Variants in BBS9 observed in about 807,000 individuals in gnomAD.
BBS9 encodes Bardet-Biedl syndrome 9.
BBS9 carries 89 observed loss-of-function variants against 117.7 expected under a neutral mutation model. The ratio of observed to expected loss-of-function variants is 0.76; its 90% CI spans 0.64 to 0.90. The LOEUF (loss-of-function observed/expected upper bound fraction) is 0.90, where lower values mean the gene tolerates loss of function less well. BBS9 is among the 40% of genes least tolerant of loss of function. BBS9 has a pLI of 0.00. For missense variants in BBS9, 982 were observed against 1,042.2 expected (o/e 0.94, Z 0.80); for synonymous variants, 379 against 370.9 (o/e 1.02, Z -0.25).
chr7:33,334,836 C>T (rs754646983), intron 9 of BBS9, among the ~76,000 whole-genome samples: 3 of 152,168 alleles, frequency 2.0e-5, no homozygotes, highest in Admixed American at 6.5e-5. Context: ...AAGTCTCCTG[C>T]GTCCTAGTCT....
chr7:33,380,098 C>T (rs1421488421), intron 17 of BBS9: 1 of 156,166 alleles, frequency 6.4e-6, no homozygotes, highest in East Asian at 1.8e-4. Flanking sequence ...GATGACTAGC[C>T]TGTTTGAGGA....
chr7:33,549,027 T>C (rs1853906847), intron 21 of BBS9, among the ~76,000 whole-genome samples: 1 of 150,462 alleles, frequency 6.6e-6, no homozygotes, highest in Admixed American at 6.6e-5. Flanking sequence ...CTTCAAACTA[T>C]ACTACAAGGC....
chr7:33,256,901 T>C (rs372512493), intron 5 of BBS9, among the ~76,000 whole-genome samples: 6 of 152,202 alleles, frequency 3.9e-5, no homozygotes, highest in African/African-American at 4.8e-5. Context: ...TTTCTATGTA[T>C]CAGTTTTCTA....
intron 19 of BBS9, among the ~76,000 whole-genome samples, chr7:33,443,671 T>C (rs183261490): frequency 1.3e-5 from 2 of 152,340 alleles, no homozygotes; most frequent in African/African-American, 4.8e-5. Context: ...GATCTTCTAT[T>C]GTACCTGTAA....
chr7:33,194,326 C>T (rs946351779), intron 5 of BBS9, among the ~76,000 whole-genome samples: 1 of 152,086 alleles, frequency 6.6e-6, no homozygotes, highest in Non-Finnish European at 1.5e-5. Context: ...GGAGTTTGGT[C>T]TTAGCAGCTT....
intron 5 of BBS9, among the ~76,000 whole-genome samples, chr7:33,196,701 T>C (rs1423386879): frequency 2.6e-5 from 4 of 152,168 alleles, no homozygotes; most frequent in African/African-American, 4.8e-5. Flanking sequence ...TTGGAGAACT[T>C]CCCTCATTTG....
intron 20 of BBS9, among the ~76,000 whole-genome samples, chr7:33,513,962 G>A (rs1234145473): frequency 6.6e-6 from 1 of 152,070 alleles, no homozygotes; most frequent in African/African-American, 2.4e-5. Context: ...TCTTGTACTT[G>A]GCATCAGTCA....
At chr7:33,307,397 C>G (rs1689550211) in intron 9 of BBS9, among the ~76,000 whole-genome samples, 1 of 151,942 alleles carries the variant, frequency 6.6e-6, no homozygotes, top group Non-Finnish European at 1.5e-5. Flanking sequence ...CATAAACCAT[C>G]TAGAATTTCA....
At chr7:33,567,995 C>T (rs547996284) in intron 21 of BBS9, among the ~76,000 whole-genome samples, 132 of 152,322 alleles carry the variant, frequency 8.7e-4, no homozygotes, top group African/African-American at 3.1e-3. Context: ...TTCTCCCTTC[C>T]TGTAGTCTTT....
chr7:33,625,142 G>T (rs1000900932), intron 21 of BBS9, among the ~76,000 whole-genome samples: 6 of 152,020 alleles, frequency 3.9e-5, no homozygotes, highest in Non-Finnish European at 1.5e-5. Flanking sequence ...TTTTTTGTTT[G>T]ATTACCACCT....
chr7:33,555,032 A>G (rs995764681), intron 21 of BBS9, among the ~76,000 whole-genome samples: 2 of 152,216 alleles, frequency 1.3e-5, no homozygotes, highest in African/African-American at 4.8e-5. Context: ...AGATTCGTAT[A>G]AATTTGTAAC....
chr7:33,603,088 G>C (rs1864046016), intron 21 of BBS9, among the ~76,000 whole-genome samples: 1 of 152,156 alleles, frequency 6.6e-6, no homozygotes, highest in Admixed American at 6.5e-5. Context: ...GCACATGGCA[G>C]CTGTCTTAAC....
chr7:33,205,566 G>C (rs1786746311), intron 5 of BBS9, among the ~76,000 whole-genome samples: 1 of 152,138 alleles, frequency 6.6e-6, no homozygotes, highest in African/African-American at 2.4e-5. Flanking sequence ...TCAGGTACAA[G>C]GATATCATGC....
At chr7:33,634,624 G>T (rs535416240) in intron 21 of BBS9, among the ~76,000 whole-genome samples, 19 of 152,238 alleles carry the variant, frequency 1.2e-4, no homozygotes, top group African/African-American at 4.3e-4. Flanking sequence ...TTTCTGTCCA[G>T]GCCCAGGCTG....
chr7:33,582,838 T>A lies in BBS9; in HGVS notation c.2522-22027T>A, dbSNP rs147683667. On this transcript the variant is annotated intron_variant, in intron 21 of 22. Coordinates refer to ENST00000242067, the MANE Select transcript of BBS9 (RefSeq NM_198428.3). ...TCCTCATACTTTCTTGTTAAATGTG[T>A]CCCCTTATGACTGCCATGGTGTTGC... Among the ~76,000 whole-genome samples, 5 of 152,242 alleles carry A rather than the reference T, an allele frequency of 3.3e-5. No individual in the cohort carries two copies. The East Asian group carries it at 9.7e-4, about 29-fold the overall frequency.
intron 21 of BBS9, among the ~76,000 whole-genome samples, chr7:33,582,899 C>G (rs1860226935): frequency 6.6e-6 from 1 of 152,142 alleles, no homozygotes; most frequent in South Asian, 2.1e-4. Flanking sequence ...CATACCACAT[C>G]TATTCCTGCC....
chr7:33,470,745 AG>A (rs1840900990), intron 19 of BBS9, among the ~76,000 whole-genome samples: 1 of 152,146 alleles, frequency 6.6e-6, no homozygotes, highest in African/African-American at 2.4e-5. Flanking sequence ...ATCACACACA[AG>A]TTCACAAAGC....
At chr7:33,307,042 A>G (rs1808170103) in intron 9 of BBS9, among the ~76,000 whole-genome samples, 1 of 152,172 alleles carries the variant, frequency 6.6e-6, no homozygotes, top group African/African-American at 2.4e-5. Context: ...TTAAACCTCA[A>G]AATTTTAAAA....
intron 9 of BBS9, among the ~76,000 whole-genome samples, chr7:33,280,771 C>T (rs549430947): frequency 6.6e-6 from 1 of 152,100 alleles, no homozygotes; most frequent in African/African-American, 2.4e-5. Context: ...AGTTGAAAAA[C>T]CTTTTTAAAA....
Sources: gnomAD v4.1 joint callset for allele counts (sites outside exome capture counted in the v4.1 genomes callset) on GRCh38, gnomAD v4.1.1 for gene constraint, MANE v1.5 for transcripts, NCBI Gene and HGNC (gene_info 2026-07-23, HGNC 2026-07-21) for gene names.